GABRB1: variants seen among roughly 807,000 people sequenced by gnomAD.
GABRB1 encodes the protein gamma-aminobutyric acid type A receptor subunit beta1, also known as gamma-aminobutyric acid receptor subunit beta-1.
In GABRB1, 17 loss-of-function variants were observed where a neutral mutation model predicts 51.6. That is an observed-to-expected ratio of 0.33 (90% CI 0.23 to 0.49). GABRB1 has a LOEUF of 0.49. Among genes scored for constraint, GABRB1 ranks in the 20% least tolerant of loss-of-function variants. The pLI, the probability that GABRB1 is intolerant of heterozygous loss-of-function variation, is 0.99. For missense variants in GABRB1, 410 were observed against 600.6 expected, an observed-to-expected ratio of 0.68 and a Z score of 3.32; for synonymous variants, 247 against 218.9, an observed-to-expected ratio of 1.13 and a Z score of -1.14.
chr4:47,071,788 T>C (rs1424560597), intron 3 of GABRB1, among the ~76,000 whole-genome samples: 1 of 152,052 alleles, frequency 6.6e-6, no homozygotes, highest in Non-Finnish European at 1.5e-5. Context: ...AGGTATCTGT[T>C]AAATGAACTC....
intron 3 of GABRB1, among the ~76,000 whole-genome samples, chr4:47,089,325 C>T (rs546623736): frequency 1.3e-5 from 2 of 152,080 alleles, no homozygotes; most frequent in South Asian, 2.1e-4. Context: ...GCAATAGTAC[C>T]GGGACCTATT....
intron 4 of GABRB1, among the ~76,000 whole-genome samples, chr4:47,319,413 T>TA (rs1724996653): frequency 1.3e-5 from 2 of 152,100 alleles, no homozygotes; most frequent in Admixed American, 6.6e-5. Flanking sequence ...GGAAAAGCTT[T>TA]AATTTTTCTG....
intron 3 of GABRB1, among the ~76,000 whole-genome samples, chr4:47,146,613 C>T (rs1214786207): frequency 6.6e-6 from 1 of 151,982 alleles, no homozygotes; most frequent in Non-Finnish European, 1.5e-5. Context: ...GTGGAGGCAT[C>T]TATCCAAAAA....
chr4:47,032,424 C>G lies in GABRB1; in HGVS notation c.180C>G (p.Pro60=), dbSNP rs546592196. 7 of 1,588,432 alleles carry G rather than the reference C, an allele frequency of 4.4e-6. No individual in the cohort carries two copies. The South Asian group carries it at 5.7e-5, about 13-fold the overall frequency. Residue 60 remains proline, a synonymous_variant, in exon 3 of 9, where the codon CCC becomes CCG. Transcript: ENST00000295454. ...GGCCCACCTCCCCGGCAGGGCCCCC[C>G]GTCGACGTTGGGATGCGGATCGATG... ...IRLRPDFGGP[P]VDVGMRIDVA...
At chr4:47,327,455 T>C (rs894229707) in intron 5 of GABRB1, among the ~76,000 whole-genome samples, 1 of 152,162 alleles carries the variant, frequency 6.6e-6, no homozygotes, top group Non-Finnish European at 1.5e-5. Flanking sequence ...ACTTTAGGAA[T>C]TTTGAAGGGT....
At position 47,411,453 on chromosome 4, in the gene GABRB1, A is replaced by G. The variant is rs117364977; in HGVS notation, c.1080+4527A>G. ...ATAATACTCTTGAAATAACAAAATT[A>G]TAGAGATGGAGAACAGATTAGTGGT... On this transcript the variant is annotated intron_variant, in intron 8 of 8. Transcript: ENST00000295454. Among the ~76,000 whole-genome samples the G allele has an allele frequency of 4.5e-4, 69 of 152,332 alleles. 2 individuals are homozygous for G. In the East Asian group the frequency reaches 0.013, roughly 28 times the overall value.
intron 4 of GABRB1, among the ~76,000 whole-genome samples, chr4:47,198,155 C>T (rs1242118595): frequency 6.6e-6 from 1 of 152,132 alleles, no homozygotes; most frequent in Non-Finnish European, 1.5e-5. Flanking sequence ...AGGAAAACTC[C>T]ACTAAGGCAT....
intron 4 of GABRB1, among the ~76,000 whole-genome samples, chr4:47,195,969 C>T (rs1393295472): frequency 6.6e-6 from 1 of 152,208 alleles, no homozygotes; most frequent in African/African-American, 2.4e-5. Flanking sequence ...AAAGTCAGAG[C>T]AGAACTTGCT....
At chr4:47,330,715 G>A (rs936043324) in intron 5 of GABRB1, among the ~76,000 whole-genome samples, 5 of 152,088 alleles carry the variant, frequency 3.3e-5, no homozygotes, top group African/African-American at 1.2e-4. Context: ...AGACTGCTGG[G>A]AGTTTATTAA....
chr4:47,130,736 G>A (rs1716376311), intron 3 of GABRB1, among the ~76,000 whole-genome samples: 1 of 152,100 alleles, frequency 6.6e-6, no homozygotes, highest in Non-Finnish European at 1.5e-5. Flanking sequence ...TGAGAGCAGG[G>A]ATCTCATAAC....
At chr4:47,020,280 T>C (rs1724892828) in intron 1 of GABRB1, among the ~76,000 whole-genome samples, 1 of 152,140 alleles carries the variant, frequency 6.6e-6, no homozygotes, top group African/African-American at 2.4e-5. Context: ...AGAGTACTTC[T>C]TCAAATATAG....
chr4:47,324,000 A>AC (rs988857731), intron 5 of GABRB1, among the ~76,000 whole-genome samples: 6 of 152,178 alleles, frequency 3.9e-5, no homozygotes, highest in African/African-American at 1.4e-4. Flanking sequence ...TTTGATAGCC[A>AC]CAAGCATCAT....
intron 4 of GABRB1, among the ~76,000 whole-genome samples, chr4:47,235,498 G>A (rs958810489): frequency 1.2e-4 from 18 of 151,176 alleles, no homozygotes; most frequent in African/African-American, 3.4e-4. Context: ...GCAGTGAGCC[G>A]AGATCCTGCC....
At chr4:47,313,021 T>C (rs1335907195) in intron 4 of GABRB1, among the ~76,000 whole-genome samples, 1 of 152,180 alleles carries the variant, frequency 6.6e-6, no homozygotes, top group Non-Finnish European at 1.5e-5. Flanking sequence ...TCATTAACCT[T>C]AATAAATGAA....
At chr4:47,274,645 C>G (rs1478057734) in intron 4 of GABRB1, among the ~76,000 whole-genome samples, 1 of 152,122 alleles carries the variant, frequency 6.6e-6, no homozygotes. Context: ...TTGTTACCCC[C>G]AAAAGTAAGC....
intron 5 of GABRB1, among the ~76,000 whole-genome samples, chr4:47,398,787 T>G (rs899361546): frequency 3.3e-5 from 5 of 150,740 alleles, no homozygotes; most frequent in Middle Eastern, 3.6e-3. Context: ...TTTGTTTGTT[T>G]GTTTTGTTTT....
At chr4:47,192,144 C>T (rs142137525) in intron 4 of GABRB1, among the ~76,000 whole-genome samples, 65 of 151,986 alleles carry the variant, frequency 4.3e-4, no homozygotes, top group African/African-American at 1.5e-3. Context: ...AAGATGGAAT[C>T]GTACATTTGG....
chr4:47,312,647 G>A (rs1304179404), intron 4 of GABRB1, among the ~76,000 whole-genome samples: 1 of 151,996 alleles, frequency 6.6e-6, no homozygotes, highest in African/African-American at 2.4e-5. Flanking sequence ...CATTTTTAGG[G>A]GATTTTCTTT....
At chr4:47,181,538 A>G (rs1043243643) in intron 4 of GABRB1, among the ~76,000 whole-genome samples, 2 of 152,036 alleles carry the variant, frequency 1.3e-5, no homozygotes, top group African/African-American at 4.8e-5. Flanking sequence ...TCGTTCCATC[A>G]TTTAGTACCT....
Sources: allele counts gnomAD v4.1 joint callset (sites outside exome capture counted in the v4.1 genomes callset), GRCh38; gene constraint gnomAD v4.1.1; transcripts MANE v1.5; gene names NCBI Gene and HGNC (gene_info 2026-07-23, HGNC 2026-07-21).